Variants in FAT3 observed in about 807,000 individuals in gnomAD.
The protein encoded by FAT3 is FAT atypical cadherin 3, also known as protocadherin Fat 3.
In FAT3, 95 loss-of-function variants were observed where a neutral mutation model predicts 310.2. That is an observed-to-expected ratio of 0.31 (90% CI 0.26 to 0.36). The LOEUF (loss-of-function observed/expected upper bound fraction) is 0.36, where lower values mean the gene tolerates loss of function less well. Among genes scored for constraint, FAT3 ranks in the 10% least tolerant of loss-of-function variants. The pLI, the probability that FAT3 is intolerant of heterozygous loss-of-function variation, is 1.00. For missense variants in FAT3, 5,408 were observed against 5,715.6 expected (o/e 0.95, Z 1.74); for synonymous variants, 2,314 against 2,192.9 (o/e 1.06, Z -1.54).
chr11:92,244,676 A>G (rs1420442602), intron 1 of FAT3, among the ~76,000 whole-genome samples: 1 of 152,148 alleles, frequency 6.6e-6, no homozygotes, highest in African/African-American at 2.4e-5. Context: ...GTTAAAACAT[A>G]GATTCCTATA....
chr11:92,532,466 A>G (rs1954115446), intron 3 of FAT3, among the ~76,000 whole-genome samples: 1 of 152,216 alleles, frequency 6.6e-6, no homozygotes. Flanking sequence ...TAAAAATTTA[A>G]AAGAGAAGAA....
intron 3 of FAT3, among the ~76,000 whole-genome samples, chr11:92,555,161 G>A (rs1954975296): frequency 6.6e-6 from 1 of 152,132 alleles, no homozygotes; most frequent in African/African-American, 2.4e-5. Flanking sequence ...TGCAGGTACT[G>A]CAAACCCAGA....
chr11:92,506,118 A>C (rs1439458731), intron 2 of FAT3, among the ~76,000 whole-genome samples: 1 of 152,160 alleles, frequency 6.6e-6, no homozygotes, highest in Non-Finnish European at 1.5e-5. Flanking sequence ...CATAAAACAC[A>C]CAGTCCAGAA....
intron 2 of FAT3, among the ~76,000 whole-genome samples, chr11:92,379,561 G>A (rs1941436): frequency 0.37 from 55,692 of 152,076 alleles, 14,576 homozygotes; most frequent in African/African-American, 0.75. Flanking sequence ...TAGATGAGAA[G>A]ACAAAATGAC....
At chr11:92,324,153 C>A (rs1277916095) in intron 1 of FAT3, among the ~76,000 whole-genome samples, 1 of 152,184 alleles carries the variant, frequency 6.6e-6, no homozygotes, top group Non-Finnish European at 1.5e-5. Context: ...AAAACCTTTT[C>A]CATATCAGCA....
intron 2 of FAT3, among the ~76,000 whole-genome samples, chr11:92,405,872 A>G (rs941984540): frequency 6.6e-6 from 1 of 152,356 alleles, no homozygotes; most frequent in South Asian, 2.1e-4. Flanking sequence ...TTGTGTCCTT[A>G]GGCAATTTGT....
In FAT3 at chr11:92,836,701, C is replaced by T. The variant is rs200404766; in HGVS notation, c.10222C>T (p.Arg3408Trp). The change falls in exon 16 of 28, where the codon CGG becomes TGG. Residue 3408 changes from arginine to tryptophan, a missense_variant and splice_region_variant. Physicochemically the swap from Arg to Trp is moderately radical, Grantham distance 101. This residue lies in a region of FAT3 where 4,588 missense variants were observed against 4,809.8 expected (regional missense o/e 0.95). Transcript: ENST00000525166. ...VKVKKKLDRE[R>W]VSGYSLLVQA... ...AGTTAAGAAGAAATTGGACCGGGAA[C>T]GGGTAAGCTAGTTTAGGACAGTTTC... The T allele has an allele frequency of 2.4e-3, 3,801 of 1,612,822 alleles. 7 individuals carry two copies. The highest frequency in any genetic ancestry group is 2.8e-3 in the Non-Finnish European group (3,271 of 1,179,372).
At chr11:92,547,192 C>T (rs753866553) in intron 3 of FAT3, among the ~76,000 whole-genome samples, 12 of 152,190 alleles carry the variant, frequency 7.9e-5, no homozygotes, top group Non-Finnish European at 1.2e-4. Flanking sequence ...AATAGCCAGT[C>T]TCACCCTGCC....
At chr11:92,678,527 C>A (rs1459336673) in intron 3 of FAT3, among the ~76,000 whole-genome samples, 2 of 152,140 alleles carry the variant, frequency 1.3e-5, no homozygotes, top group African/African-American at 4.8e-5. Flanking sequence ...TGCTGTTGCA[C>A]TGGGGATTAA....
chr11:92,838,250 G>T (rs1948455019), intron 17 of FAT3, among the ~76,000 whole-genome samples: 1 of 152,208 alleles, frequency 6.6e-6, no homozygotes, highest in Admixed American at 6.5e-5. Context: ...TATTCTGGCA[G>T]ATGACAGAGA....
rs550524128 is a variant in FAT3, at chr11:92,593,240, G to T, written c.3607+68292G>T. Among the ~76,000 whole-genome samples, 4 of 151,958 alleles carry T rather than the reference G, an allele frequency of 2.6e-5. No homozygotes were observed. In the South Asian group the frequency reaches 8.3e-4, roughly 32 times the overall value. ...GACACTTGGGTTGCTTCTACATTTT[G>T]ATTATTGTGAATAATGCTGCTGTGA... On this transcript the variant is annotated intron_variant, in intron 3 of 27. Transcript: ENST00000525166.
intron 2 of FAT3, among the ~76,000 whole-genome samples, chr11:92,454,555 C>T (rs2135081427): frequency 6.6e-6 from 1 of 152,230 alleles, no homozygotes; most frequent in Non-Finnish European, 1.5e-5. Flanking sequence ...TTGGTAGAAA[C>T]CTTGATTACT....
At chr11:92,856,795 G>A (rs1948990475) in intron 19 of FAT3, among the ~76,000 whole-genome samples, 1 of 152,022 alleles carries the variant, frequency 6.6e-6, no homozygotes, top group African/African-American at 2.4e-5. Context: ...GCAGGAGGGA[G>A]GTGCAGAAGA....
At chr11:92,246,276 A>C (rs1864901068) in intron 1 of FAT3, among the ~76,000 whole-genome samples, 1 of 152,144 alleles carries the variant, frequency 6.6e-6, no homozygotes, top group Non-Finnish European at 1.5e-5. Flanking sequence ...CGAGGAAAAC[A>C]AATATGCATG....
intron 4 of FAT3, among the ~76,000 whole-genome samples, chr11:92,698,895 G>A (rs991291203): frequency 1.6e-4 from 25 of 152,232 alleles, no homozygotes; most frequent in African/African-American, 4.8e-4. Context: ...AAGCAGGAAG[G>A]GTGTCTCATT....
chr11:92,839,540 A>G (rs1175682531), intron 17 of FAT3, among the ~76,000 whole-genome samples: 4 of 152,104 alleles, frequency 2.6e-5, no homozygotes, highest in African/African-American at 7.2e-5. Context: ...CTTTTTCCCA[A>G]CCCTGAATGA....
At chr11:92,442,078 AT>A (rs1339635943) in intron 2 of FAT3, among the ~76,000 whole-genome samples, 1 of 84,444 alleles carries the variant, frequency 1.2e-5, no homozygotes, top group African/African-American at 7.1e-5. Context: ...AGAAATATAT[AT>A]TTTATATATA....
intron 2 of FAT3, among the ~76,000 whole-genome samples, chr11:92,447,358 G>T (rs770591501): frequency 6.6e-6 from 1 of 151,734 alleles, no homozygotes; most frequent in Non-Finnish European, 1.5e-5. Context: ...TACTTAATCT[G>T]CTGGAGTCAT....
At chr11:92,271,077 C>CG (rs1946112186) in intron 1 of FAT3, among the ~76,000 whole-genome samples, 1 of 152,100 alleles carries the variant, frequency 6.6e-6, no homozygotes, top group African/African-American at 2.4e-5. Context: ...GCAGCAGCCT[C>CG]CAAGCCCTGC....
Sources: allele counts gnomAD v4.1 joint callset (sites outside exome capture counted in the v4.1 genomes callset), GRCh38; gene constraint gnomAD v4.1.1; regional missense constraint gnomAD v4.1.1; transcripts MANE v1.5; gene names NCBI Gene and HGNC (gene_info 2026-07-23, HGNC 2026-07-21).